Variants in MAMLD1 observed in about 807,000 individuals in gnomAD.
MAMLD1 encodes the protein mastermind like domain containing 1.
A neutral mutation model predicts 45.0 loss-of-function variants in MAMLD1; 14 were observed. That is an observed-to-expected ratio of 0.31 (90% CI 0.21 to 0.49). MAMLD1 has a LOEUF of 0.49. Ranked by LOEUF, MAMLD1 falls within the 20% of genes least tolerant of loss-of-function variation. The pLI is 0.99. For missense variants in MAMLD1, 543 were observed against 603.6 expected, an observed-to-expected ratio of 0.90 and a Z score of 1.05; for synonymous variants, 254 against 247.8, an observed-to-expected ratio of 1.02 and a Z score of -0.24.
Position 150,363,474 on chromosome X carries a change from C to G in MAMLD1, c.-120C>G, listed in dbSNP as rs1312245212. 4.8e-5 allele frequency: 5 copies of G among 104,159 alleles called. No individual in the cohort carries two copies. Among genetic ancestry groups the G allele is most frequent in the Admixed American group, 9.9e-5 (1 of 10,092 alleles). 8.6% of individuals were successfully genotyped at this position (104,159 alleles called of 1,213,427 possible). ...CCGCCTGAGTCCAGGCTGCCCGCGC[C>G]GGCGGCCGCCCGCCCCTCGGACACT... On this transcript the variant is annotated 5_prime_UTR_variant, in exon 1 of 8. Transcript: ENST00000370401.
chrX:150,481,618 C>T (rs2036760243), intron 5 of MAMLD1, among the ~76,000 whole-genome samples: 1 of 110,654 alleles, frequency 9.0e-6, no homozygotes, highest in Non-Finnish European at 1.9e-5. Flanking sequence ...TCGCTTGAGG[C>T]CAGGAGTTCA....
At chrX:150,372,041 G>A (rs1557401096) in intron 1 of MAMLD1, among the ~76,000 whole-genome samples, 1 of 111,871 alleles carries the variant, frequency 8.9e-6, no homozygotes, top group Non-Finnish European at 1.9e-5. Context: ...TTGCACCCAT[G>A]TGTGGGCAGA....
At position 150,490,649 on chromosome X, in the gene MAMLD1, A is replaced by G. The variant is rs781795205; in HGVS notation, c.2041-12625A>G. Among the ~76,000 whole-genome samples the G allele has an allele frequency of 2.7e-5, 3 of 112,087 alleles. No individual in the cohort carries two copies. The East Asian group carries it at 8.4e-4, about 31-fold the overall frequency. ...ACTATTTCTTAATTTTCTTAGTTTCACAGAATCAGAGGACATGAATACTGA... is the reference window on the plus strand; with the variant it reads ...ACTATTTCTTAATTTTCTTAGTTTCGCAGAATCAGAGGACATGAATACTGA... On this transcript the variant is annotated intron_variant, in intron 5 of 7. Coordinates refer to ENST00000370401, the MANE Select transcript of MAMLD1 (RefSeq NM_005491.5).
intron 5 of MAMLD1, among the ~76,000 whole-genome samples, chrX:150,481,522 T>A (rs2036755711): frequency 9.0e-6 from 1 of 111,604 alleles, no homozygotes; most frequent in Admixed American, 9.5e-5. Flanking sequence ...CACTTCTGGG[T>A]ATATGCCTAA....
intron 6 of MAMLD1, chrX:150,504,755 C>T: frequency 1.2e-5 from 9 of 751,837 alleles, no homozygotes; most frequent in Non-Finnish European, 1.4e-5. Context: ...ACAGCTTTCA[C>T]CCAGCAGTGA....
upstream of MAMLD1, among the ~76,000 whole-genome samples, chrX:150,362,133 G>A (rs1267886883): frequency 1.8e-5 from 2 of 112,406 alleles, no homozygotes; most frequent in African/African-American, 6.5e-5. Context: ...GCCACAGCGG[G>A]TCTGTTTGGC....
intron 1 of MAMLD1, among the ~76,000 whole-genome samples, chrX:150,423,483 G>A (rs951215284): frequency 9.2e-6 from 1 of 108,862 alleles, no homozygotes; most frequent in African/African-American, 3.4e-5. Flanking sequence ...TAGAACAACC[G>A]GAGTAGCAAT....
intron 1 of MAMLD1, among the ~76,000 whole-genome samples, chrX:150,389,054 AT>A (rs372830900): frequency 6.6e-5 from 7 of 106,522 alleles, no homozygotes; most frequent in South Asian, 4.0e-4. Context: ...ATTTCAATGC[AT>A]TTTTTTTTTG....
intron 1 of MAMLD1, among the ~76,000 whole-genome samples, chrX:150,369,422 A>C (rs782429728): frequency 8.9e-5 from 10 of 112,926 alleles, no homozygotes; most frequent in Non-Finnish European, 1.9e-4. Context: ...AGATAATAAA[A>C]AGGGGCTGAT....
chrX:150,458,756 T>C (rs2035948087), intron 2 of MAMLD1, among the ~76,000 whole-genome samples: 1 of 112,288 alleles, frequency 8.9e-6, no homozygotes, highest in African/African-American at 3.2e-5. Flanking sequence ...AGTCAATGCA[T>C]CCATCCATAA....
chrX:150,441,382 A>G (rs1046760104), intron 1 of MAMLD1, among the ~76,000 whole-genome samples: 1 of 108,762 alleles, frequency 9.2e-6, no homozygotes, highest in African/African-American at 3.3e-5. Context: ...GTGGAAGCTT[A>G]TATTATTAAT....
At chrX:150,364,485 C>T (rs1022642504) in intron 1 of MAMLD1, among the ~76,000 whole-genome samples, 4 of 112,909 alleles carry the variant, frequency 3.5e-5, no homozygotes, top group Non-Finnish European at 7.5e-5. Flanking sequence ...CGCCCCGCCG[C>T]GCTTCTGCAG....
intron 1 of MAMLD1, among the ~76,000 whole-genome samples, chrX:150,431,226 G>C (rs1311297456): frequency 4.5e-5 from 5 of 111,629 alleles, no homozygotes; most frequent in African/African-American, 1.6e-4. Flanking sequence ...TCCGATGTCT[G>C]TGTGTTCATT....
intron 4 of MAMLD1, among the ~76,000 whole-genome samples, chrX:150,472,072 A>C (rs1282589743): frequency 1.8e-5 from 2 of 111,994 alleles, no homozygotes; most frequent in Non-Finnish European, 3.8e-5. Flanking sequence ...AGAGAGTTGA[A>C]AGACTTGCCC....
intron 1 of MAMLD1, among the ~76,000 whole-genome samples, chrX:150,441,170 CTAA>C (rs1433385998): frequency 9.3e-6 from 1 of 107,889 alleles, no homozygotes; most frequent in Non-Finnish European, 1.9e-5. Flanking sequence ...TCCATTATCG[CTAA>C]TATTTATCAT....
At position 150,417,471 on chromosome X, in the gene MAMLD1, C is replaced by T. The variant is rs113474809; in HGVS notation, c.-63-27983C>T. 2.7e-3 allele frequency among the ~76,000 whole-genome samples: 290 copies of T among 108,357 alleles called. No homozygotes were observed. The Middle Eastern group carries it at 0.033, about 12-fold the overall frequency. 94.1% of individuals were successfully genotyped at this position (108,357 alleles called of 115,157 possible). A position where few individuals can be genotyped will look rare whatever the true frequency, so the allele number is the denominator to read the frequency against. On this transcript the variant is annotated intron_variant, in intron 1 of 7. Transcript: ENST00000370401. ...TGTGAATAGTGCCGCAATAAACATA[C>T]GTGTGCATGTGTCTTTATAGCAGCA... is the stretch of plus-strand genomic sequence containing the variant.
chrX:150,455,390 G>A (rs2035821309), intron 2 of MAMLD1, among the ~76,000 whole-genome samples: 1 of 111,714 alleles, frequency 9.0e-6, no homozygotes, highest in Non-Finnish European at 1.9e-5. Context: ...AATGACTAAA[G>A]GCAGATCTGC....
At chrX:150,499,004 G>A (rs2283746) in intron 5 of MAMLD1, among the ~76,000 whole-genome samples, 11,586 of 111,452 alleles carry the variant, frequency 0.1, 444 homozygotes, top group Middle Eastern at 0.15. Context: ...CAAAAATCCA[G>A]GTTCTTCCAC....
chrX:150,410,935 C>T (rs370624061), intron 1 of MAMLD1, among the ~76,000 whole-genome samples: 5 of 110,357 alleles, frequency 4.5e-5, no homozygotes, highest in East Asian at 2.8e-4. Flanking sequence ...GCTTTGGATG[C>T]GGCCCAACAC....
Sources: gnomAD v4.1 joint callset for allele counts (sites outside exome capture counted in the v4.1 genomes callset) on GRCh38, gnomAD v4.1.1 for gene constraint, MANE v1.5 for transcripts, NCBI Gene and HGNC (gene_info 2026-07-23, HGNC 2026-07-21) for gene names.